The following ADAMTSL1 variants were observed in gnomAD, a reference collection of about 807,000 sequenced individuals.
The protein encoded by ADAMTSL1 is ADAMTS like 1.
Under a neutral mutation model 201.8 loss-of-function variants are expected in ADAMTSL1, and 126 were observed. That is an observed-to-expected ratio of 0.62 (90% confidence interval 0.54 to 0.72). The LOEUF is 0.72. Among genes scored for constraint, ADAMTSL1 ranks in the 30% least tolerant of loss-of-function variants. The probability of loss-of-function intolerance (pLI) is 0.00; values close to 1 mark genes in which losing one functional copy is unlikely to be tolerated. For synonymous variants in ADAMTSL1, 1,121 were observed against 903.4 expected, an observed-to-expected ratio of 1.24 and a Z score of -4.32; for missense variants, 2,679 against 2,277.8, an observed-to-expected ratio of 1.18 and a Z score of -3.59.
intron 2 of ADAMTSL1, among the ~76,000 whole-genome samples, chr9:18,438,646 G>A (rs1455702971): frequency 6.6e-6 from 1 of 152,160 alleles, no homozygotes; most frequent in African/African-American, 2.4e-5. Context: ...GGGGGCTGCA[G>A]CACCGCAGGC....
chr9:18,821,400 A>G (rs746149794), intron 21 of ADAMTSL1, among the ~76,000 whole-genome samples: 97 of 152,178 alleles, frequency 6.4e-4, no homozygotes, highest in Non-Finnish European at 4.7e-4. Context: ...CCTCTATCCT[A>G]TCAACCAGGA....
intron 7 of ADAMTSL1, 156 bp from the exon 8 acceptor site, chr9:18,657,483 A>C: frequency 1.7e-6 from 1 of 590,892 alleles, no homozygotes; most frequent in Non-Finnish European, 3.0e-6. Context: ...GTAAAATGGT[A>C]GGATACATGA....
intron 1 of ADAMTSL1, among the ~76,000 whole-genome samples, chr9:17,935,270 C>A (rs1826958477): frequency 6.6e-6 from 1 of 152,118 alleles, no homozygotes; most frequent in Admixed American, 6.6e-5. Flanking sequence ...TTCCTCCTGC[C>A]TTATGGGTTG....
At chr9:18,056,001 G>A (rs1259725905) in intron 1 of ADAMTSL1, among the ~76,000 whole-genome samples, 2 of 152,156 alleles carry the variant, frequency 1.3e-5, no homozygotes, top group Non-Finnish European at 2.9e-5. Flanking sequence ...TACTGCCTGA[G>A]CTATTGACCA....
intron 2 of ADAMTSL1, among the ~76,000 whole-genome samples, chr9:18,404,637 T>C (rs1453560876): frequency 6.6e-6 from 1 of 152,204 alleles, no homozygotes; most frequent in Non-Finnish European, 1.5e-5. Flanking sequence ...AATATCTTAA[T>C]TAGTTTTTCT....
intron 1 of ADAMTSL1, among the ~76,000 whole-genome samples, chr9:18,025,496 A>G (rs888052652): frequency 2.0e-5 from 3 of 152,038 alleles, no homozygotes; most frequent in East Asian, 1.9e-4. Context: ...TCCCAGCACC[A>G]TTTATTGAAT....
At chr9:18,589,919 T>G (rs1256757889) in intron 4 of ADAMTSL1, among the ~76,000 whole-genome samples, 1 of 152,200 alleles carries the variant, frequency 6.6e-6, no homozygotes, top group Non-Finnish European at 1.5e-5. Flanking sequence ...TTATTCCCTC[T>G]TAATCATGGT....
At chr9:18,725,001 G>A (rs542452660) in intron 15 of ADAMTSL1, among the ~76,000 whole-genome samples, 2 of 152,106 alleles carry the variant, frequency 1.3e-5, no homozygotes, top group East Asian at 1.9e-4. Flanking sequence ...CCGCCTCCCG[G>A]GTTTACACCA....
At chr9:18,625,226 C>T (rs1349129739) in intron 5 of ADAMTSL1, among the ~76,000 whole-genome samples, 1 of 152,060 alleles carries the variant, frequency 6.6e-6, no homozygotes, top group Non-Finnish European at 1.5e-5. Context: ...TTCTGGCACT[C>T]AGATTCCCCA....
intron 23 of ADAMTSL1, among the ~76,000 whole-genome samples, chr9:18,854,296 G>T (rs1234313255): frequency 1.3e-5 from 2 of 152,038 alleles, no homozygotes; most frequent in Non-Finnish European, 2.9e-5. Flanking sequence ...CATTGATATT[G>T]TTAATACAAC....
intron 1 of ADAMTSL1, among the ~76,000 whole-genome samples, chr9:17,940,733 A>T (rs939536293): frequency 2.0e-5 from 3 of 150,780 alleles, no homozygotes; most frequent in Non-Finnish European, 3.0e-5. Context: ...AAAAAGAAAA[A>T]AAAGAAAAAA....
rs184788147 is a variant in ADAMTSL1, at chr9:18,717,688, G to A, written c.1877-3848G>A. Reference sequence around the variant, plus strand: ...TACACCATTTTCATACATGTACAACGTGGGTGGATGAAGAATGTCTCTTAG... The same window carrying A: ...TACACCATTTTCATACATGTACAACATGGGTGGATGAAGAATGTCTCTTAG... On this transcript the variant is annotated intron_variant, in intron 14 of 28. Transcript: ENST00000380548. Among the ~76,000 whole-genome samples the A allele has an allele frequency of 1.5e-4, 23 of 152,324 alleles. No individual in the cohort carries two copies. The East Asian group carries it at 2.5e-3, about 17-fold the overall frequency.
At chr9:18,706,642 A>G in intron 13 of ADAMTSL1, 105 bp from the exon 14 acceptor site, 2 of 1,179,680 alleles carry the variant, frequency 1.7e-6, no homozygotes, top group Non-Finnish European at 2.4e-6. Context: ...TACCCCTGGG[A>G]CAGCTCTGGG....
At chr9:18,794,626 GTTT>G (rs61153622) in intron 19 of ADAMTSL1, among the ~76,000 whole-genome samples, 1 of 135,674 alleles carries the variant, frequency 7.4e-6, no homozygotes, top group South Asian at 2.5e-4. Context: ...GTTTTTTGTT[GTTT>G]TTTTTTGTTG....
chr9:18,432,410 CTA>C (rs541110481), intron 2 of ADAMTSL1, among the ~76,000 whole-genome samples: 4 of 152,278 alleles, frequency 2.6e-5, no homozygotes, highest in East Asian at 1.9e-4. Flanking sequence ...TTACATTATT[CTA>C]TGTTTCCCGT....
intron 1 of ADAMTSL1, among the ~76,000 whole-genome samples, chr9:18,036,068 G>T (rs1032358559): frequency 6.6e-6 from 1 of 152,144 alleles, no homozygotes; most frequent in Non-Finnish European, 1.5e-5. Flanking sequence ...TCATGTAGGA[G>T]GTCACTGAAG....
intron 2 of ADAMTSL1, among the ~76,000 whole-genome samples, chr9:18,359,837 C>CCCCACA (rs557711954): frequency 8.2e-6 from 1 of 122,634 alleles, no homozygotes; most frequent in South Asian, 3.7e-4. Flanking sequence ...GCCCCCCCGC[C>CCCCACA]CACACAAAAT....
At chr9:17,939,326 A>G (rs528635002) in intron 1 of ADAMTSL1, among the ~76,000 whole-genome samples, 3 of 149,386 alleles carry the variant, frequency 2.0e-5, no homozygotes, top group African/African-American at 7.4e-5. Flanking sequence ...CACAACCACC[A>G]TCTAGTGTCC....
Position 18,340,475 on chromosome 9 carries a change from C to G in ADAMTSL1, c.208-164354C>G, listed in dbSNP as rs190706054. Among the ~76,000 whole-genome samples the G allele has an allele frequency of 6.6e-4, 100 of 152,212 alleles. 1 individual carries two copies. The East Asian group carries it at 0.018, about 28-fold the overall frequency. Reference sequence around the variant, plus strand: ...TCCCAAACTGAGCTCATAATCTTCTCTTACATTTTTAAATTCTCTCTTCCT... The same window carrying G: ...TCCCAAACTGAGCTCATAATCTTCTGTTACATTTTTAAATTCTCTCTTCCT... On this transcript the variant is annotated intron_variant, in intron 2 of 29. Coordinates refer to the ADAMTSL1 transcript ENST00000680146.
Sources: gnomAD v4.1 joint callset for allele counts (sites outside exome capture counted in the v4.1 genomes callset) on GRCh38, gnomAD v4.1.1 for gene constraint, MANE v1.5 for transcripts, NCBI Gene and HGNC (gene_info 2026-07-23, HGNC 2026-07-21) for gene names.